The following TTC39C variants were observed in gnomAD, a reference collection of about 807,000 sequenced individuals.
TTC39C encodes the protein tetratricopeptide repeat protein 39C.
TTC39C carries 33 observed loss-of-function variants against 76.3 expected under a neutral mutation model. The ratio of observed to expected loss-of-function variants is 0.43; its 90% confidence interval spans 0.33 to 0.58. The LOEUF is 0.58. Ranked by LOEUF, TTC39C falls within the 20% of genes least tolerant of loss-of-function variation. The pLI is 0.04. For missense variants in TTC39C, 595 were observed against 701.4 expected (o/e 0.85, Z 1.71); for synonymous variants, 254 against 260.6 (o/e 0.97, Z 0.24).
At chr18:24,012,883 ACACG>A (rs780088306), upstream of TTC39C, 412 of 133,688 alleles carry the variant, frequency 3.1e-3, 1 homozygote, top group East Asian at 0.013. Context: ...ACACACACAC[ACACG>A]CATAAATTTA....
intron 1 of TTC39C, among the ~76,000 whole-genome samples, chr18:24,035,411 G>A (rs2083719454): frequency 6.6e-6 from 1 of 152,134 alleles, no homozygotes; most frequent in South Asian, 2.1e-4. Context: ...CCCATCAGTG[G>A]TACACAAGGG....
upstream of TTC39C, among the ~76,000 whole-genome samples, chr18:24,012,438 C>A (rs750408105): frequency 2.6e-5 from 4 of 152,112 alleles, no homozygotes; most frequent in Non-Finnish European, 5.9e-5. Context: ...ACAGAACTAG[C>A]CCCACAAAGA....
chr18:24,029,188 T>A (rs2083637961), intron 1 of TTC39C, among the ~76,000 whole-genome samples: 1 of 152,096 alleles, frequency 6.6e-6, no homozygotes, highest in Admixed American at 6.5e-5. Flanking sequence ...GTGCAACCTC[T>A]GCCTCCTGAG....
intron 7 of TTC39C, among the ~76,000 whole-genome samples, chr18:24,117,650 C>T (rs1281286257): frequency 2.0e-5 from 3 of 150,494 alleles, no homozygotes; most frequent in South Asian, 4.2e-4. Context: ...TGCAGTGAGC[C>T]GAGATCGTGC....
At chr18:24,113,753 C>T (rs542984920) in intron 6 of TTC39C, 31 of 695,878 alleles carry the variant, frequency 4.5e-5, no homozygotes, top group Non-Finnish European at 6.3e-5. Context: ...CTCTTGGGTA[C>T]TTGTGGCATC....
rs1351148309 is a variant in TTC39C at position 24,134,742 on chromosome 18, A to G, written c.*2168A>G. The G allele has an allele frequency of 6.6e-6, 1 of 152,026 alleles. No individual in the cohort carries two copies. The highest frequency in any genetic ancestry group is 2.4e-5 in the African/African-American group (1 of 41,382). The allele number at this position is 152,026 out of a possible 1,614,324, so 9.4% of individuals were successfully genotyped here. A position where few individuals can be genotyped will look rare whatever the true frequency, so the allele number is the denominator to read the frequency against. On this transcript the variant is annotated 3_prime_UTR_variant, in exon 14 of 14. Transcript: ENST00000317571. ...ATTTTTGTTTGAGAGTTCATTCTTG[A>G]ATTTTCAGTTCAAAATATTGTTTGA...
intron 4 of TTC39C, among the ~76,000 whole-genome samples, chr18:24,078,322 T>C (rs1254473673): frequency 6.6e-6 from 1 of 152,224 alleles, no homozygotes; most frequent in Admixed American, 6.5e-5. Context: ...ATACCATAGA[T>C]TGGGGGTCCC....
chr18:24,005,381 T>C (rs953384196), intron 1 of TTC39C, among the ~76,000 whole-genome samples: 2 of 152,200 alleles, frequency 1.3e-5, no homozygotes, highest in Non-Finnish European at 2.9e-5. Context: ...GATAAGATTT[T>C]TTTTCATAAT....
At chr18:24,032,158 T>C (rs986380950) in intron 1 of TTC39C, among the ~76,000 whole-genome samples, 2 of 152,240 alleles carry the variant, frequency 1.3e-5, no homozygotes, top group African/African-American at 4.8e-5. Context: ...GCCCTGCCGA[T>C]ACCTCGATTT....
chr18:24,035,925 G>A (rs1225196484), intron 1 of TTC39C, among the ~76,000 whole-genome samples: 1 of 151,906 alleles, frequency 6.6e-6, no homozygotes, highest in Non-Finnish European at 1.5e-5. Context: ...TAATGCTTAG[G>A]TCTTTCATCC....
At chr18:24,041,358 G>A (rs771096882) in intron 1 of TTC39C, among the ~76,000 whole-genome samples, 21 of 152,292 alleles carry the variant, frequency 1.4e-4, no homozygotes, top group East Asian at 9.6e-4. Flanking sequence ...TGAGAACTCT[G>A]GGCTCCACCT....
chr18:24,002,088 T>C (rs925607523), intron 1 of TTC39C, among the ~76,000 whole-genome samples: 1 of 152,140 alleles, frequency 6.6e-6, no homozygotes, highest in African/African-American at 2.4e-5. Flanking sequence ...CGCACATGTC[T>C]TTTTTTGGAC....
chr18:24,125,346 TG>T, intron 9 of TTC39C, 80 bp from the exon 10 acceptor site: 2 of 1,544,842 alleles, frequency 1.3e-6, no homozygotes, highest in Admixed American at 3.6e-5. Flanking sequence ...ATGAACTGTG[TG>T]CTTTTAAAGT....
In TTC39C at chr18:24,064,316, G is replaced by C. The variant is rs79101575; in HGVS notation, c.216+128G>C. 2,355 of 1,066,102 alleles carry C rather than the reference G, an allele frequency of 2.2e-3. 16 individuals carry two copies. Among genetic ancestry groups the C allele is most frequent in the Non-Finnish European group, 1.6e-3 (1,243 of 764,606 alleles). 66.0% of individuals were successfully genotyped at this position (1,066,102 alleles called of 1,614,324 possible). ...TTTTAGAGTTTAAAACTGAAATAAA[G>C]TTTTTGCCTATTACCCAATGCCTAT... On this transcript the variant is annotated intron_variant, in intron 2 of 13. Transcript: ENST00000317571.
rs547569122 is a variant in TTC39C, at chr18:24,072,143, G to GA, written c.460+2884dup. ...ATTTTACATGGATAATTTTCTTGGG[G>GA]AAAAAAAAAAAACAAAGCTCCTTGT... On this transcript the variant is annotated intron_variant, in intron 4 of 13. Transcript: ENST00000317571. Among the ~76,000 whole-genome samples, 229 of 143,210 alleles carry GA rather than the reference G, an allele frequency of 1.6e-3. 1 individual carries two copies. The highest frequency in any genetic ancestry group is 0.01 in the South Asian group (47 of 4,496). The allele number at this position is 143,210 out of a possible 152,430, so 94.0% of individuals were successfully genotyped here.
At chr18:24,064,790 A>G (rs2084145349) in intron 2 of TTC39C, among the ~76,000 whole-genome samples, 1 of 152,228 alleles carries the variant, frequency 6.6e-6, no homozygotes, top group Non-Finnish European at 1.5e-5. Flanking sequence ...ATAGGGACTG[A>G]AAAAGAGAAA....
At chr18:23,994,688 G>C (rs1031396526) in intron 1 of TTC39C, among the ~76,000 whole-genome samples, 4 of 152,238 alleles carry the variant, frequency 2.6e-5, no homozygotes, top group African/African-American at 4.8e-5. Flanking sequence ...CCGCAGGGCT[G>C]TATCTTGGAC....
chr18:24,002,758 G>C (rs141137133), intron 1 of TTC39C, among the ~76,000 whole-genome samples: 1 of 152,126 alleles, frequency 6.6e-6, no homozygotes, highest in Non-Finnish European at 1.5e-5. Flanking sequence ...CTGAGTGAAC[G>C]TATGTATCCA....
intron 1 of TTC39C, among the ~76,000 whole-genome samples, chr18:24,031,338 G>C (rs1269216259): frequency 6.6e-6 from 1 of 152,192 alleles, no homozygotes; most frequent in East Asian, 1.9e-4. Flanking sequence ...ATTGTGAGTG[G>C]AAGATATGCT....
Sources: allele counts gnomAD v4.1 joint callset (sites outside exome capture counted in the v4.1 genomes callset), GRCh38; gene constraint gnomAD v4.1.1; transcripts MANE v1.5; gene names NCBI Gene and HGNC (gene_info 2026-07-23, HGNC 2026-07-21).